The following TUBGCP4 variants were observed in gnomAD, a reference collection of about 807,000 sequenced individuals.
The protein encoded by TUBGCP4 is gamma-tubulin complex component 4.
TUBGCP4 carries 54 observed loss-of-function variants against 91.6 expected under a neutral mutation model. The ratio of observed to expected loss-of-function variants is 0.59; its 90% confidence interval spans 0.47 to 0.74. The LOEUF (loss-of-function observed/expected upper bound fraction) is 0.74. TUBGCP4 is among the 30% of genes least tolerant of loss of function. The pLI is 0.00. For synonymous variants in TUBGCP4, 297 were observed against 302.8 expected, an observed-to-expected ratio of 0.98 and a Z score of 0.20; for missense variants, 593 against 800.9, an observed-to-expected ratio of 0.74 and a Z score of 3.13.
At chr15:43,383,650 C>T (rs1456218294) in intron 7 of TUBGCP4, 146 bp downstream of exon 7, 2 of 602,404 alleles carry the variant, frequency 3.3e-6, no homozygotes, top group Admixed American at 6.9e-5. Flanking sequence ...TTTATCTTAA[C>T]TAGTGTGAGA....
intron 1 of TUBGCP4, among the ~76,000 whole-genome samples, chr15:43,373,337 T>C (rs886393390): frequency 1.3e-5 from 2 of 152,224 alleles, no homozygotes; most frequent in African/African-American, 4.8e-5. Flanking sequence ...TAATTAGATA[T>C]TGAACTTTTC....
At chr15:43,379,423 C>T (rs1004212201) in intron 5 of TUBGCP4, among the ~76,000 whole-genome samples, 5 of 152,080 alleles carry the variant, frequency 3.3e-5, no homozygotes, top group African/African-American at 7.2e-5. Flanking sequence ...GGGCGGACCA[C>T]GAGGTCAGGA....
chr15:43,388,298 A>G lies in TUBGCP4; in HGVS notation c.1014+1968A>G, dbSNP rs148187323. On this transcript the variant is annotated intron_variant, in intron 9 of 17. Coordinates refer to ENST00000564079, the MANE Select transcript of TUBGCP4 (RefSeq NM_014444.5). ...AATCTCCATGGGTTAGAAGCACAGTAATCTATTATAAATATGGTTTCCCTT... is the reference window on the plus strand; with the variant it reads ...AATCTCCATGGGTTAGAAGCACAGTGATCTATTATAAATATGGTTTCCCTT... Among the ~76,000 whole-genome samples the G allele has an allele frequency of 1.7e-3, 262 of 152,352 alleles. 1 individual carries two copies. The highest frequency in any genetic ancestry group is 5.8e-3 in the African/African-American group (242 of 41,576).
chr15:43,377,527 G>A (rs2044223384), intron 4 of TUBGCP4: 4 of 304,706 alleles, frequency 1.3e-5, no homozygotes, highest in Non-Finnish European at 1.8e-5. Flanking sequence ...GGAGGCTAAC[G>A]TTCTGAATCC....
chr15:43,404,389 A>T (rs1711625585), intron 16 of TUBGCP4, 24 bp from the exon 17 acceptor site: 2 of 1,613,396 alleles, frequency 1.2e-6, no homozygotes, highest in Non-Finnish European at 1.7e-6. Context: ...AAGTGGAATG[A>T]CAGCTGAGTC....
chr15:43,383,219 G>T (rs1156750269), intron 6 of TUBGCP4, 84 bp from the exon 7 acceptor site: 12 of 1,148,074 alleles, frequency 1.0e-5, no homozygotes, highest in Non-Finnish European at 1.4e-5. Flanking sequence ...TTTCTGTTAT[G>T]ACTCATCAAA....
chr15:43,404,249 C>A, intron 16 of TUBGCP4, 164 bp from the exon 17 acceptor site: 1 of 737,944 alleles, frequency 1.4e-6, no homozygotes, highest in Non-Finnish European at 2.2e-6. Context: ...GGATTTGGTA[C>A]AAGTCATTTT....
chr15:43,372,158 A>G (rs937369193), intron 1 of TUBGCP4, among the ~76,000 whole-genome samples: 1 of 152,176 alleles, frequency 6.6e-6, no homozygotes, highest in African/African-American at 2.4e-5. Flanking sequence ...AATGCTCTCA[A>G]TAATTTAGTC....
chr15:43,400,645 A>G (rs1301971719), intron 14 of TUBGCP4, among the ~76,000 whole-genome samples: 1 of 151,610 alleles, frequency 6.6e-6, no homozygotes, highest in South Asian at 2.1e-4. Context: ...GCGAGGTGTC[A>G]TGGGTCACGT....
intron 9 of TUBGCP4, among the ~76,000 whole-genome samples, chr15:43,393,180 C>G (rs564417421): frequency 6.7e-6 from 1 of 150,086 alleles, no homozygotes; most frequent in African/African-American, 2.4e-5. Context: ...ATCCATTCAT[C>G]CTTGATAAAT....
chr15:43,405,233 T>C lies in TUBGCP4; in HGVS notation c.*19T>C, dbSNP rs1446010120. 1.2e-6 allele frequency: 2 copies of C among 1,614,030 alleles called. No individual in the cohort carries two copies. Among genetic ancestry groups the C allele is most frequent in the South Asian group, 1.1e-5 (1 of 91,080 alleles). Reference sequence around the variant, plus strand: ...GATGTGAAAATTTCTGGCTCATAAATTGAAATAACAGCCACGTTCCCAAGG... The same window carrying C: ...GATGTGAAAATTTCTGGCTCATAAACTGAAATAACAGCCACGTTCCCAAGG... On this transcript the variant is annotated 3_prime_UTR_variant, in exon 18 of 18. Transcript: ENST00000564079.
At position 43,397,541 on chromosome 15, in the gene TUBGCP4, GT is replaced by G. The variant is rs551177616; in HGVS notation, c.1279+229del. 2.7e-5 allele frequency among the ~76,000 whole-genome samples: 4 copies of G among 150,934 alleles called. No homozygotes were observed. The East Asian group carries it at 5.8e-4, about 22-fold the overall frequency. On this transcript the variant is annotated intron_variant, in intron 12 of 17. Transcript: ENST00000564079. The stretch of plus-strand genomic sequence containing the variant: ...TTTTGGGGGAGTTGGTTTTTTTGGT[GT>G]TTTTTTTTGTCATGCTGCTGGAATG...
chr15:43,399,207 G>T, intron 13 of TUBGCP4: 1 of 1,158,132 alleles, frequency 8.6e-7, no homozygotes, highest in South Asian at 1.6e-5. Flanking sequence ...GGAATCAGCT[G>T]TTCTTCCCGT....
intron 10 of TUBGCP4, 87 bp downstream of exon 10, chr15:43,395,244 C>A: frequency 6.8e-7 from 1 of 1,465,392 alleles, no homozygotes; most frequent in Non-Finnish European, 9.6e-7. Flanking sequence ...CACTGGTTGC[C>A]TATACCCAGA....
intron 9 of TUBGCP4, among the ~76,000 whole-genome samples, chr15:43,393,691 G>C (rs1038515129): frequency 1.3e-5 from 2 of 151,964 alleles, no homozygotes; most frequent in East Asian, 3.8e-4. Flanking sequence ...GTGAGAACAT[G>C]CGGTGTTTGG....
At position 43,408,844 on chromosome 15, in the gene TUBGCP4, A is replaced by C; in HGVS notation, c.*3630A>C. The C allele has an allele frequency of 6.4e-7, 1 of 1,572,096 alleles. No individual in the cohort carries two copies. The highest frequency in any genetic ancestry group is 8.7e-7 in the Non-Finnish European group (1 of 1,142,904). The stretch of plus-strand genomic sequence containing the variant: ...CTCTCACCTAGATTCTCTTCCCTCC[A>C]AAGCTTGCTGTCCTCCTGCCTATAC... On this transcript the variant is annotated 3_prime_UTR_variant, in exon 18 of 18. Transcript: ENST00000564079.
At position 43,397,330 on chromosome 15, in the gene TUBGCP4, T is replaced by C; in HGVS notation, c.1279+9T>C. 1.9e-6 allele frequency: 3 copies of C among 1,600,372 alleles called. No homozygotes were observed. Among genetic ancestry groups the C allele is most frequent in the Non-Finnish European group, 2.6e-6 (3 of 1,167,428 alleles). ...CGGAAAGGAGCACAAAGGTTTGCCATTCCTCCCTGCCACCTTAGAGTTCCT... is the reference window on the plus strand; with the variant it reads ...CGGAAAGGAGCACAAAGGTTTGCCACTCCTCCCTGCCACCTTAGAGTTCCT... On this transcript the variant is annotated intron_variant, in intron 12 of 17. Coordinates refer to ENST00000564079, the MANE Select transcript of TUBGCP4 (RefSeq NM_014444.5).
chr15:43,375,747 T>A (rs977318581), intron 1 of TUBGCP4, among the ~76,000 whole-genome samples: 39 of 152,212 alleles, frequency 2.6e-4, no homozygotes, highest in African/African-American at 9.2e-4. Flanking sequence ...AAAGAGACTT[T>A]GTTGCAACCA....
intron 5 of TUBGCP4, 92 bp from the exon 6 acceptor site, chr15:43,379,992 A>G (rs780083224): frequency 8.1e-7 from 1 of 1,235,110 alleles, no homozygotes. Flanking sequence ...TCTCTCCTAG[A>G]TTGTGCCCTC....
Sources: allele counts gnomAD v4.1 joint callset (sites outside exome capture counted in the v4.1 genomes callset), GRCh38; gene constraint gnomAD v4.1.1; transcripts MANE v1.5; gene names NCBI Gene and HGNC (gene_info 2026-07-23, HGNC 2026-07-21).